Variants in ADGRL3 observed in about 807,000 individuals in gnomAD.
The protein encoded by ADGRL3 is calcium-independent alpha-latrotoxin receptor 3.
A neutral mutation model predicts 153.5 loss-of-function variants in ADGRL3; 62 were observed. The ratio of observed to expected loss-of-function variants is 0.40; its 90% CI spans 0.33 to 0.50. ADGRL3 has a LOEUF of 0.50. ADGRL3 is among the 20% of genes least tolerant of loss of function. ADGRL3 has a pLI of 0.47. For missense variants in ADGRL3, 1,641 were observed against 1,859.4 expected (o/e 0.88, Z 2.16); for synonymous variants, 710 against 672.5 (o/e 1.06, Z -0.86).
intron 8 of ADGRL3, among the ~76,000 whole-genome samples, chr4:61,811,580 G>A (rs2097621720): frequency 1.3e-5 from 2 of 151,966 alleles, no homozygotes; most frequent in South Asian, 4.1e-4. Flanking sequence ...GCATAACTGT[G>A]AATATATTAA....
intron 5 of ADGRL3, among the ~76,000 whole-genome samples, chr4:61,601,569 GA>G (rs1447480033): frequency 6.6e-6 from 1 of 152,114 alleles, no homozygotes; most frequent in Non-Finnish European, 1.5e-5. Context: ...AAATAACCAT[GA>G]TTGGAAATAA....
chr4:61,330,175 A>T (rs768311157), intron 1 of ADGRL3, among the ~76,000 whole-genome samples: 1 of 152,108 alleles, frequency 6.6e-6, no homozygotes, highest in Non-Finnish European at 1.5e-5. Context: ...AATATGATTG[A>T]TGGTTAATTT....
intron 8 of ADGRL3, among the ~76,000 whole-genome samples, chr4:61,747,206 G>T (rs1225431837): frequency 1.3e-5 from 2 of 151,170 alleles, no homozygotes; most frequent in Admixed American, 1.3e-4. Context: ...TGAAATTGTG[G>T]CAATAATCAA....
intron 8 of ADGRL3, among the ~76,000 whole-genome samples, chr4:61,794,846 A>G (rs923712292): frequency 2.6e-5 from 4 of 152,344 alleles, no homozygotes; most frequent in East Asian, 1.9e-4. Flanking sequence ...TTGCTTGTGA[A>G]CTAATGACAA....
At chr4:61,585,819 G>A (rs1164203856) in intron 4 of ADGRL3, among the ~76,000 whole-genome samples, 1 of 151,956 alleles carries the variant, frequency 6.6e-6, no homozygotes. Context: ...GACCTTTCCT[G>A]TATAAAAATT....
Position 61,856,619 on chromosome 4 carries a change from T to TC in ADGRL3, c.1481-36037_1481-36036insC, listed in dbSNP as rs1195537095. 1.1e-3 allele frequency among the ~76,000 whole-genome samples: 137 copies of TC among 122,520 alleles called. 1 individual carries two copies. The highest frequency in any genetic ancestry group is 3.9e-3 in the African/African-American group (120 of 30,592). 80.4% of individuals were successfully genotyped at this position (122,520 alleles called of 152,430 possible). Reference sequence around the variant, plus strand: ...CTCTCTCTCTCTTTTTTTTTTTTTTTTTTTTTTTTTTTTTGCGATGGAGTC... The same window carrying TC: ...CTCTCTCTCTCTTTTTTTTTTTTTTTCTTTTTTTTTTTTTTGCGATGGAGTC... On this transcript the variant is annotated intron_variant, in intron 9 of 26. Transcript: ENST00000683033.
chr4:61,570,695 T>C (rs758065151), intron 4 of ADGRL3, among the ~76,000 whole-genome samples: 1 of 152,072 alleles, frequency 6.6e-6, no homozygotes, highest in Non-Finnish European at 1.5e-5. Flanking sequence ...GTAGAGGGAA[T>C]TTTTTTTCCA....
chr4:61,713,988 T>C (rs2096056062), intron 6 of ADGRL3, among the ~76,000 whole-genome samples: 1 of 152,048 alleles, frequency 6.6e-6, no homozygotes, highest in African/African-American at 2.4e-5. Context: ...GACAAGAAAA[T>C]AGACAGAATT....
intron 2 of ADGRL3, among the ~76,000 whole-genome samples, chr4:61,491,031 A>C (rs2098252309): frequency 6.6e-6 from 1 of 152,112 alleles, no homozygotes; most frequent in African/African-American, 2.4e-5. Flanking sequence ...GATCATACCA[A>C]ATATATTAAC....
At chr4:61,991,525 C>T (rs1363221610) in intron 19 of ADGRL3, among the ~76,000 whole-genome samples, 1 of 151,982 alleles carries the variant, frequency 6.6e-6, no homozygotes, top group Non-Finnish European at 1.5e-5. Flanking sequence ...AAAGACAACA[C>T]AATCTATTTT....
At chr4:61,683,398 G>A (rs568259314) in intron 6 of ADGRL3, among the ~76,000 whole-genome samples, 1 of 152,194 alleles carries the variant, frequency 6.6e-6, no homozygotes, top group African/African-American at 2.4e-5. Context: ...ACGGACACTG[G>A]AGAGTGAGTA....
chr4:61,417,645 C>T (rs972638250), intron 2 of ADGRL3, among the ~76,000 whole-genome samples: 39 of 148,248 alleles, frequency 2.6e-4, no homozygotes, highest in South Asian at 6.3e-4. Context: ...TTTAGAAAAA[C>T]CTTCTTTAAC....
chr4:61,281,595 G>A (rs570711881), intron 1 of ADGRL3, among the ~76,000 whole-genome samples: 1 of 152,232 alleles, frequency 6.6e-6, no homozygotes, highest in East Asian at 1.9e-4. Context: ...TGAATCTTCA[G>A]ATTAAGGTAC....
chr4:61,871,233 G>A (rs149429085), intron 9 of ADGRL3, among the ~76,000 whole-genome samples: 18,797 of 150,526 alleles, frequency 0.12, 1,384 homozygotes, highest in East Asian at 0.32. Flanking sequence ...AGCAGAGATC[G>A]CACCACTGCA....
chr4:61,359,574 T>C (rs2096251008), intron 1 of ADGRL3, among the ~76,000 whole-genome samples: 2 of 152,186 alleles, frequency 1.3e-5, no homozygotes, highest in African/African-American at 4.8e-5. Context: ...TCCTTGTCGT[T>C]TTCCACATAG....
chr4:61,716,565 A>G (rs1473999457), intron 6 of ADGRL3, among the ~76,000 whole-genome samples: 4 of 152,148 alleles, frequency 2.6e-5, no homozygotes, highest in Non-Finnish European at 5.9e-5. Flanking sequence ...TATCGATGTC[A>G]TGGAGAAATG....
chr4:61,909,492 G>A (rs1464172002), intron 11 of ADGRL3, 68 bp from the exon 12 acceptor site: 26 of 1,066,556 alleles, frequency 2.4e-5, no homozygotes, highest in East Asian at 1.3e-4. Flanking sequence ...AAACATGATC[G>A]TTGAAAGAAA....
chr4:61,631,697 A>AG (rs1461795136), intron 5 of ADGRL3, among the ~76,000 whole-genome samples: 3 of 152,234 alleles, frequency 2.0e-5, no homozygotes, highest in Non-Finnish European at 2.9e-5. Context: ...CAGATGAAGA[A>AG]GAAAATGAGT....
intron 8 of ADGRL3, among the ~76,000 whole-genome samples, chr4:61,743,145 C>G (rs925687797): frequency 6.6e-6 from 1 of 151,180 alleles, no homozygotes; most frequent in African/African-American, 2.4e-5. Context: ...ATGGCGAAAC[C>G]CCGTCTCTAT....
Sources: gnomAD v4.1 joint callset for allele counts (sites outside exome capture counted in the v4.1 genomes callset) on GRCh38, gnomAD v4.1.1 for gene constraint, MANE v1.5 for transcripts, NCBI Gene and HGNC (gene_info 2026-07-23, HGNC 2026-07-21) for gene names.